The following GRIN2C variants were observed in gnomAD, a reference collection of about 807,000 sequenced individuals.
GRIN2C encodes glutamate receptor ionotropic, NMDA 2C.
A neutral mutation model predicts 77.7 loss-of-function variants in GRIN2C; 64 were observed. That is an observed-to-expected ratio of 0.82 (90% CI 0.67 to 1.01). GRIN2C has a LOEUF of 1.01. Ranked by LOEUF, GRIN2C falls within the 50% of genes least tolerant of loss-of-function variation. The pLI is 0.00. For missense variants in GRIN2C, 1,549 were observed against 1,486.0 expected, an observed-to-expected ratio of 1.04 and a Z score of -0.70; for synonymous variants, 792 against 643.4, an observed-to-expected ratio of 1.23 and a Z score of -3.49.
In GRIN2C at chr17:74,849,598, C is replaced by T. The variant is rs2037567804; in HGVS notation, c.1645+182G>A. On this transcript the variant is annotated intron_variant, in intron 7 of 12. Coordinates refer to ENST00000293190, the MANE Select transcript of GRIN2C (RefSeq NM_000835.6). This position sits in a 1 kb window ranked among gnomAD's most constrained non-coding sequence, Gnocchi z 4.6. ...CTCACCTGGCAGCCATACCTAGAAC[C>T]GAACACTGACTTCACTTCTCCTGTC... Among the ~76,000 whole-genome samples the T allele has an allele frequency of 6.6e-6, 1 of 152,116 alleles. No individual in the cohort carries two copies. The highest frequency in any genetic ancestry group is 2.4e-5 in the African/African-American group (1 of 41,426).
upstream of GRIN2C, chr17:74,861,318 C>G (rs183331039): frequency 0.011 from 1,743 of 152,326 alleles, 13 homozygotes; most frequent in Middle Eastern, 0.02. Flanking sequence ...GTGGGTCCAA[C>G]CCCCCGGGTG....
chr17:74,842,546 G>A lies in GRIN2C; in HGVS notation c.3591C>T (p.Gly1197=). The A allele has an allele frequency of 1.3e-6, 1 of 778,402 alleles. No individual in the cohort carries two copies. Among genetic ancestry groups the A allele is most frequent in the Non-Finnish European group, 2.4e-6 (1 of 417,554 alleles). 48.2% of individuals were successfully genotyped at this position (778,402 alleles called of 1,614,324 possible). Reference sequence around the variant, plus strand: ...CGTCCAGTCCCCCACTGTCTCTGTAGCCTGTGCCCAGCCCCAGAGTCCTGC... The same window carrying A: ...CGTCCAGTCCCCCACTGTCTCTGTAACCTGTGCCCAGCCCCAGAGTCCTGC... ...HRGRTLGLGT[G]YRDSGGLDEI... Residue 1197 remains glycine, a synonymous_variant, in exon 13 of 13, where the codon GGC becomes GGT. Coordinates refer to ENST00000293190, the MANE Select transcript of GRIN2C (RefSeq NM_000835.6).
upstream of GRIN2C, chr17:74,859,931 C>T (rs1270434847): frequency 1.2e-5 from 2 of 163,088 alleles, no homozygotes; most frequent in Non-Finnish European, 1.3e-5. This position sits in a 1 kb window ranked among gnomAD's most constrained non-coding sequence, Gnocchi z 5.9. Context: ...ACCCGCGCCA[C>T]GCCTCCTGGC....
Position 74,852,546 on chromosome 17 carries a change from C to A in GRIN2C, c.465G>T (p.Lys155Asn). 6.5e-7 allele frequency: 1 copy of A among 1,541,464 alleles called. No homozygotes were observed. The stretch of plus-strand genomic sequence containing the variant: ...CGCTCCAGTCGTACTCTTCCAGCAC[C>A]TTGAACAGCACCTGCAGCTGCTGCT... Reference protein sequence around the residue: ...SLEQQLQVLFKVLEEYDWSAF... With the variant: ...SLEQQLQVLFNVLEEYDWSAF... The change falls in exon 3 of 13, where the codon AAG becomes AAT. Residue 155 changes from lysine to asparagine, a missense_variant. Around this residue, in one of 3 missense-constraint regions of GRIN2C, gnomAD observed 382 missense variants for 360.0 expected, o/e 1.06. Coordinates refer to ENST00000293190, the MANE Select transcript of GRIN2C (RefSeq NM_000835.6).
At chr17:74,861,196 TG>T (rs1394843934), upstream of GRIN2C, among the ~76,000 whole-genome samples, 1 of 152,118 alleles carries the variant, frequency 6.6e-6, no homozygotes, top group Non-Finnish European at 1.5e-5. Flanking sequence ...CGCGCCTGTC[TG>T]CTCGGCCTCT....
chr17:74,848,073 G>A, intron 7 of GRIN2C, 96 bp from the exon 8 acceptor site: 1 of 1,390,488 alleles, frequency 7.2e-7, no homozygotes. Context: ...CGTGATCAAA[G>A]TAGGGGCCCA....
Position 74,842,156 on chromosome 17 carries a change from C to A in GRIN2C, c.*279G>T. ...TGCCCACAGCAGCCATGACCAGTAACTGGCTAGCCCCAGGGAAGGGAGAGC... is the reference window on the plus strand; with the variant it reads ...TGCCCACAGCAGCCATGACCAGTAAATGGCTAGCCCCAGGGAAGGGAGAGC... On this transcript the variant is annotated 3_prime_UTR_variant, in exon 13 of 13. Coordinates refer to ENST00000293190, the MANE Select transcript of GRIN2C (RefSeq NM_000835.6). The A allele has an allele frequency of 4.8e-6, 2 of 418,008 alleles. No homozygotes were observed. The highest frequency in any genetic ancestry group is 8.5e-6 in the Non-Finnish European group (2 of 234,672). 25.9% of individuals were successfully genotyped at this position (418,008 alleles called of 1,614,324 possible).
At position 74,842,507 on chromosome 17, in the gene GRIN2C, T is replaced by C. The variant is rs1598466381; in HGVS notation, c.3630A>G (p.Val1210=). ...CCGGGAAGCCTTGCGTCCCACGGGC[T>C]ACCCTGCTGATCTCGTCCAGTCCCC... is the stretch of plus-strand genomic sequence containing the variant. The part of the protein sequence containing the change: ...DSGGLDEISR[V]ARGTQGFPGP... Residue 1210 remains valine (V), a synonymous_variant, in exon 13 of 13, where the codon GTA becomes GTG. Coordinates refer to ENST00000293190, the MANE Select transcript of GRIN2C (RefSeq NM_000835.6). The C allele has an allele frequency of 1.3e-6, 1 of 779,286 alleles. No homozygotes were observed. Among genetic ancestry groups the C allele is most frequent in the Non-Finnish European group, 2.4e-6 (1 of 417,810 alleles). 48.3% of individuals were successfully genotyped at this position (779,286 alleles called of 1,614,324 possible).
rs757735144 is a variant in GRIN2C, at chr17:74,852,552, C to G, written c.459G>C (p.Leu153=). 2 of 1,519,104 alleles carry G rather than the reference C, an allele frequency of 1.3e-6. No homozygotes were observed. Among genetic ancestry groups the G allele is most frequent in the Admixed American group, 2.1e-5 (1 of 48,680 alleles). 94.1% of individuals were successfully genotyped at this position (1,519,104 alleles called of 1,614,324 possible). Residue 153 remains leucine, a synonymous_variant, in exon 3 of 13, where the codon CTG becomes CTC. Transcript: ENST00000293190. ...AGTCGTACTCTTCCAGCACCTTGAA[C>G]AGCACCTGCAGCTGCTGCTCCAGGG... The part of the protein sequence containing the change: ...GVSLEQQLQV[L]FKVLEEYDWS...
intron 11 of GRIN2C, 131 bp from the exon 12 acceptor site, chr17:74,844,639 C>T (rs1250996310): frequency 1.4e-6 from 2 of 1,445,096 alleles, no homozygotes; most frequent in African/African-American, 1.4e-5. Flanking sequence ...CTCAAGCAGA[C>T]CACATGGGGA....
intron 3 of GRIN2C, 58 bp downstream of exon 3, chr17:74,851,954 GC>G: frequency 7.5e-7 from 1 of 1,335,024 alleles, no homozygotes; most frequent in Non-Finnish European, 1.0e-6. Flanking sequence ...CTCACTGCCA[GC>G]CAGCTCCCCC....
In GRIN2C at chr17:74,846,331, C is replaced by G. The variant is rs1567890187; in HGVS notation, c.2163-78G>C. The G allele has an allele frequency of 7.8e-7, 1 of 1,289,988 alleles. No homozygotes were observed. Among genetic ancestry groups the G allele is most frequent in the African/African-American group, 1.5e-5 (1 of 68,630 alleles). The allele number at this position is 1,289,988 out of a possible 1,614,324, so 79.9% of individuals were successfully genotyped here. On this transcript the variant is annotated intron_variant, in intron 10 of 12. Coordinates refer to ENST00000293190, the MANE Select transcript of GRIN2C (RefSeq NM_000835.6). The surrounding 1 kb of genome is among the most constrained non-coding windows in gnomAD (Gnocchi z 4.4). ...ACCGAAACTGGGGCGTGACAGGGGTCTAAACCACATGAGCCTGCTGGGCAC... is the reference window on the plus strand; with the variant it reads ...ACCGAAACTGGGGCGTGACAGGGGTGTAAACCACATGAGCCTGCTGGGCAC...
In GRIN2C at chr17:74,852,010, C is replaced by T; in HGVS notation, c.998+3G>A. The T allele has an allele frequency of 6.8e-7, 1 of 1,469,250 alleles. No homozygotes were observed. Among genetic ancestry groups the T allele is most frequent in the South Asian group, 1.5e-5 (1 of 68,414 alleles). 91.0% of individuals were successfully genotyped at this position (1,469,250 alleles called of 1,614,324 possible). A position where few individuals can be genotyped will look rare whatever the true frequency, so the allele number is the denominator to read the frequency against. ...TACCCCTATGCCCCGGGCAGGTGCC[C>T]ACCTGTAGAAGGCCTCCCGGGCAGG... On this transcript the variant is annotated splice_donor_region_variant and intron_variant, in intron 3 of 12. Coordinates refer to ENST00000293190, the MANE Select transcript of GRIN2C (RefSeq NM_000835.6).
At chr17:74,848,899 C>A (rs2037542374) in intron 7 of GRIN2C, among the ~76,000 whole-genome samples, 1 of 151,882 alleles carries the variant, frequency 6.6e-6, no homozygotes, top group African/African-American at 2.4e-5. Context: ...CACCTGTGGT[C>A]CCAGCTACTC....
chr17:74,855,074 GC>G lies in GRIN2C; in HGVS notation c.18del (p.Pro7ArgfsTer24), dbSNP rs1410627332. 2 of 1,589,134 alleles carry G rather than the reference GC, an allele frequency of 1.3e-6. No homozygotes were observed. Among genetic ancestry groups the G allele is most frequent in the Non-Finnish European group, 1.7e-6 (2 of 1,173,826 alleles). On this transcript the variant is annotated frameshift_variant, in exon 2 of 13. Coordinates refer to ENST00000293190, the MANE Select transcript of GRIN2C (RefSeq NM_000835.6). LOFTEE classifies it high-confidence loss of function. The part of the protein sequence containing the change: MGGAL[G>X]PALLLTSLFG... ...AAGAGCGAGGTGAGCAACAGGGCCG[GC>G]CCCAGGGCCCCACCCATGTCCACCG...
Position 74,856,481 on chromosome 17 carries a change from C to T in GRIN2C, c.-15-1374G>A, listed in dbSNP as rs1303293354. Among the ~76,000 whole-genome samples, 482 of 135,260 alleles carry T rather than the reference C, an allele frequency of 3.6e-3. 7 individuals carry two copies. The highest frequency in any genetic ancestry group is 0.012 in the African/African-American group (446 of 35,714). The allele number at this position is 135,260 out of a possible 152,430, so 88.7% of individuals were successfully genotyped here. A position where few individuals can be genotyped will look rare whatever the true frequency, so the allele number is the denominator to read the frequency against. On this transcript the variant is annotated intron_variant, in intron 1 of 12. Coordinates refer to ENST00000293190, the MANE Select transcript of GRIN2C (RefSeq NM_000835.6). ...CCTGCCACCAAATTTCTCTCTCTCT[C>T]TTTTTTTTTTTTTTTGAGACAGAGT...
At position 74,854,703 on chromosome 17, in the gene GRIN2C, G is replaced by C. The variant is rs145553517; in HGVS notation, c.390C>G (p.Leu130=). The change falls in exon 2 of 13, where the codon CTC becomes CTG. Residue 130 remains leucine, a synonymous_variant. Coordinates refer to ENST00000293190, the MANE Select transcript of GRIN2C (RefSeq NM_000835.6). ...GAGTTTGGACATGCACCTTGGGGGT[G>C]AGGACCACAGCAGAGCCTCCGCTGA... The part of the protein sequence containing the change: ...LSISGGSAVV[L]TPKEPGSAFL... 1.1e-5 allele frequency: 18 copies of C among 1,605,982 alleles called. No individual in the cohort carries two copies. The African/African-American group carries it at 2.1e-4, about 19-fold the overall frequency.
In GRIN2C at chr17:74,846,500, C is replaced by T. The variant is rs1354684357; in HGVS notation, c.2163-247G>A. On this transcript the variant is annotated intron_variant, in intron 10 of 12. Coordinates refer to ENST00000293190, the MANE Select transcript of GRIN2C (RefSeq NM_000835.6). The surrounding 1 kb of genome is among the most constrained non-coding windows in gnomAD (Gnocchi z 4.4). ...CACCACCCTTTCTGCCCACCCTCTCCGTGCTCCTAAGACTCAGAGAAGGTC... is the reference window on the plus strand; with the variant it reads ...CACCACCCTTTCTGCCCACCCTCTCTGTGCTCCTAAGACTCAGAGAAGGTC... 2.6e-5 allele frequency among the ~76,000 whole-genome samples: 4 copies of T among 152,238 alleles called. No homozygotes were observed. Among genetic ancestry groups the T allele is most frequent in the South Asian group, 2.1e-4 (1 of 4,836 alleles).
At position 74,849,270 on chromosome 17, in the gene GRIN2C, C is replaced by T. The variant is rs2144579271; in HGVS notation, c.1645+510G>A. Among the ~76,000 whole-genome samples, 1 of 152,326 alleles carries T rather than the reference C, an allele frequency of 6.6e-6. No homozygotes were observed. The highest frequency in any genetic ancestry group is 1.9e-4 in the East Asian group (1 of 5,190). ...TTCCCCTGCCCCTCGCCTGTCTTCACAGCTCTCTGCCACCTCACACTTCAT... is the reference window on the plus strand; with the variant it reads ...TTCCCCTGCCCCTCGCCTGTCTTCATAGCTCTCTGCCACCTCACACTTCAT... On this transcript the variant is annotated intron_variant, in intron 7 of 12. Transcript: ENST00000293190. The surrounding 1 kb of genome is among the most constrained non-coding windows in gnomAD (Gnocchi z 4.6).
Sources: allele counts gnomAD v4.1 joint callset (sites outside exome capture counted in the v4.1 genomes callset), GRCh38; gene constraint gnomAD v4.1.1; regional missense constraint gnomAD v4.1.1; non-coding constraint Gnocchi (gnomAD v3.1); transcripts MANE v1.5; gene names NCBI Gene and HGNC (gene_info 2026-07-23, HGNC 2026-07-21).